The following GNB4 variants were observed in gnomAD, a reference collection of about 807,000 sequenced individuals.
GNB4 encodes the protein G protein subunit beta 4.
GNB4 carries 28 observed loss-of-function variants against 45.2 expected under a neutral mutation model. The ratio of observed to expected loss-of-function variants is 0.62; its 90% CI spans 0.46 to 0.85. GNB4 has a LOEUF of 0.85. Ranked by LOEUF, GNB4 falls within the 40% of genes least tolerant of loss-of-function variation. GNB4 has a pLI of 0.00. For missense variants in GNB4, 321 were observed against 425.4 expected, an observed-to-expected ratio of 0.75 and a Z score of 2.16; for synonymous variants, 132 against 143.7, an observed-to-expected ratio of 0.92 and a Z score of 0.58.
chr3:179,488,795 C>T, the GNB4 span, among the ~76,000 whole-genome samples: 1 of 150,764 alleles, frequency 6.6e-6, no homozygotes, highest in African/African-American at 2.4e-5. Flanking sequence ...CCAGCCTGGG[C>T]AATATGGTGA....
the GNB4 span, among the ~76,000 whole-genome samples, chr3:179,522,150 A>AG: frequency 6.6e-6 from 1 of 150,992 alleles, no homozygotes; most frequent in Admixed American, 6.6e-5. Flanking sequence ...CCAGATAGCC[A>AG]GTTCCTGCCT....
chr3:179,470,571 G>A, the GNB4 span, among the ~76,000 whole-genome samples: 2 of 150,824 alleles, frequency 1.3e-5, no homozygotes, highest in Non-Finnish European at 3.0e-5. Context: ...TTTTAATGGA[G>A]CCTCACTCTG....
chr3:179,476,508 C>A, the GNB4 span, among the ~76,000 whole-genome samples: 32 of 152,170 alleles, frequency 2.1e-4, no homozygotes, highest in Admixed American at 1.9e-3. Flanking sequence ...GCTCCACTCC[C>A]ATGGATCCAC....
chr3:179,440,876 T>TAGAGAGAGAGAGAGAGAG (rs1358506608), intron 1 of GNB4, among the ~76,000 whole-genome samples: 101 of 110,702 alleles, frequency 9.1e-4, no homozygotes, highest in African/African-American at 4.3e-3. Flanking sequence ...TATATATAGA[T>TAGAGAGAGAGAGAGAGAG]AGATAGAGAG....
At chr3:179,465,092 G>C in the GNB4 span, 240 of 1,433,024 alleles carry the variant, frequency 1.7e-4, no homozygotes, top group Middle Eastern at 1.2e-3. Context: ...TGCAGATATT[G>C]TAATATCTGC....
chr3:179,491,215 GC>G, the GNB4 span, among the ~76,000 whole-genome samples: 1 of 152,158 alleles, frequency 6.6e-6, no homozygotes, highest in Non-Finnish European at 1.5e-5. Flanking sequence ...TGCTCAAAGA[GC>G]TTGCAATCTA....
intron 1 of GNB4, among the ~76,000 whole-genome samples, chr3:179,445,613 A>C (rs1472577217): frequency 6.6e-6 from 1 of 152,220 alleles, no homozygotes; most frequent in South Asian, 2.1e-4. Context: ...GGTAAGAATT[A>C]ATGTTTAAGG....
chr3:179,520,932 T>C, the GNB4 span, among the ~76,000 whole-genome samples: 2 of 152,172 alleles, frequency 1.3e-5, no homozygotes, highest in African/African-American at 2.4e-5. Context: ...TTAGAACCTC[T>C]CATTTCCTTT....
At chr3:179,474,986 C>T in the GNB4 span, among the ~76,000 whole-genome samples, 1 of 151,844 alleles carries the variant, frequency 6.6e-6, no homozygotes, top group African/African-American at 2.4e-5. Flanking sequence ...AGTTCAAGGT[C>T]GAGGGGGCCT....
rs60530796 is a variant in GNB4, at chr3:179,425,762, T to C, written c.57+382A>G. ...CTGGGATTACAGGCATGAGCCACTG[T>C]GCCCACCCTAATGATTTTCTGCAAC... On this transcript the variant is annotated intron_variant, in intron 2 of 9. Coordinates refer to ENST00000232564, the MANE Select transcript of GNB4 (RefSeq NM_021629.4). Among the ~76,000 whole-genome samples the C allele has an allele frequency of 3.9e-3, 593 of 152,290 alleles. 2 individuals carry two copies. The highest frequency in any genetic ancestry group is 0.013 in the African/African-American group (561 of 41,572).
chr3:179,473,020 A>G, the GNB4 span, among the ~76,000 whole-genome samples: 1 of 152,164 alleles, frequency 6.6e-6, no homozygotes, highest in Non-Finnish European at 1.5e-5. Context: ...AAAGTTAGCC[A>G]GCCATGGTGG....
chr3:179,491,096 A>C, the GNB4 span, among the ~76,000 whole-genome samples: 1 of 152,222 alleles, frequency 6.6e-6, no homozygotes, highest in Non-Finnish European at 1.5e-5. Context: ...CTAAGAAGCA[A>C]GGGTAAACAC....
chr3:179,403,842 T>C (rs1301458138), intron 9 of GNB4, among the ~76,000 whole-genome samples: 1 of 150,078 alleles, frequency 6.7e-6, no homozygotes, highest in Non-Finnish European at 1.5e-5. Flanking sequence ...AAATAAAAAT[T>C]CTTAAAAAAC....
At chr3:179,422,631 A>G (rs1467342555) in intron 2 of GNB4, among the ~76,000 whole-genome samples, 1 of 152,208 alleles carries the variant, frequency 6.6e-6, no homozygotes, top group Non-Finnish European at 1.5e-5. Flanking sequence ...AGACATAACA[A>G]TTACACAAGA....
At chr3:179,412,320 C>A (rs878918798) in intron 8 of GNB4, among the ~76,000 whole-genome samples, 197 of 145,522 alleles carry the variant, frequency 1.4e-3, no homozygotes, top group African/African-American at 4.3e-3. Flanking sequence ...TTAAAAAAAA[C>A]AAACAAACAC....
chr3:179,464,608 A>G, the GNB4 span: 35 of 1,305,038 alleles, frequency 2.7e-5, no homozygotes, highest in Non-Finnish European at 3.7e-5. Context: ...GTCCTCAACA[A>G]AACCAGGGCA....
rs553608701 is a variant in GNB4 at position 179,398,148 on chromosome 3, T to C, written c.*3065A>G. The stretch of plus-strand genomic sequence containing the variant: ...CTTGCCAGATCTCAAAAAACTACTC[T>C]TCTTGACATGCTACAGAGTCAACAA... On this transcript the variant is annotated 3_prime_UTR_variant, in exon 10 of 10. Coordinates refer to ENST00000232564, the MANE Select transcript of GNB4 (RefSeq NM_021629.4). The C allele has an allele frequency of 5.8e-4, 88 of 152,348 alleles. No homozygotes were observed. The highest frequency in any genetic ancestry group is 1.9e-3 in the African/African-American group (81 of 41,576). The allele number at this position is 152,348 out of a possible 1,614,324, so 9.4% of individuals were successfully genotyped here. A position where few individuals can be genotyped will look rare whatever the true frequency, so the allele number is the denominator to read the frequency against.
In GNB4 at chr3:179,409,838, A is replaced by C. The variant is rs558381639; in HGVS notation, c.699+3574T>G. ...AAAAAAACAAAAAAACAAAACAAAA[A>C]AAAAACTAGAAAAAGAAAAGCCAGT... On this transcript the variant is annotated intron_variant, in intron 8 of 9. Coordinates refer to ENST00000232564, the MANE Select transcript of GNB4 (RefSeq NM_021629.4). Among the ~76,000 whole-genome samples, 28 of 152,080 alleles carry C rather than the reference A, an allele frequency of 1.8e-4. No homozygotes were observed. In the South Asian group the frequency reaches 2.5e-3, roughly 13 times the overall value.
the GNB4 span, among the ~76,000 whole-genome samples, chr3:179,509,202 CAT>C: frequency 2.4e-3 from 358 of 148,688 alleles, 3 homozygotes; most frequent in Middle Eastern, 0.014. Context: ...CACACACACA[CAT>C]ATACGGCACC....
Sources: allele counts gnomAD v4.1 joint callset (sites outside exome capture counted in the v4.1 genomes callset), GRCh38; gene constraint gnomAD v4.1.1; transcripts MANE v1.5; gene names NCBI Gene and HGNC (gene_info 2026-07-23, HGNC 2026-07-21).